MAGI1: variants seen among roughly 807,000 people sequenced by gnomAD.
MAGI1 encodes the protein membrane-associated guanylate kinase, WW and PDZ domain-containing protein 1.
Under a neutral mutation model 139.9 loss-of-function variants are expected in MAGI1, and 58 were observed. That is an observed-to-expected ratio of 0.41 (90% CI 0.34 to 0.52). The LOEUF (loss-of-function observed/expected upper bound fraction) is 0.52, where lower values mean the gene tolerates loss of function less well. Among genes scored for constraint, MAGI1 ranks in the 20% least tolerant of loss-of-function variants. MAGI1 has a pLI of 0.12. For synonymous variants in MAGI1, 812 were observed against 737.9 expected (o/e 1.10, Z -1.63); for missense variants, 1,874 against 1,901.6 (o/e 0.99, Z 0.27).
At chr3:65,661,402 G>A (rs530548975) in intron 1 of MAGI1, among the ~76,000 whole-genome samples, 7 of 152,284 alleles carry the variant, frequency 4.6e-5, no homozygotes, top group Non-Finnish European at 1.0e-4. Flanking sequence ...GAGGAAAGAA[G>A]CCATTTAAAA....
intron 1 of MAGI1, among the ~76,000 whole-genome samples, chr3:65,661,098 A>C (rs1033773455): frequency 9.2e-5 from 14 of 152,298 alleles, no homozygotes; most frequent in Admixed American, 7.2e-4. Context: ...AATAAAAAAC[A>C]AATTGAAAAG....
At position 65,547,611 on chromosome 3, in the gene MAGI1, G is replaced by A. The variant is rs115616145; in HGVS notation, c.431-53980C>T. 6.4e-4 allele frequency among the ~76,000 whole-genome samples: 98 copies of A among 152,228 alleles called. No homozygotes were observed. In the Middle Eastern group the frequency reaches 0.014, roughly 21 times the overall value. On this transcript the variant is annotated intron_variant, in intron 2 of 22. Coordinates refer to ENST00000402939, the MANE Select transcript of MAGI1 (RefSeq NM_001033057.2). ...AGCAGGGTTAAAAGCAGGAGCTCTGGAGGGCTACTGCCTAGATTCAAATCC... is the reference window on the plus strand; with the variant it reads ...AGCAGGGTTAAAAGCAGGAGCTCTGAAGGGCTACTGCCTAGATTCAAATCC...
chr3:65,905,607 G>C (rs1482677266), intron 1 of MAGI1, among the ~76,000 whole-genome samples: 1 of 152,136 alleles, frequency 6.6e-6, no homozygotes, highest in East Asian at 1.9e-4. Context: ...CTCCCAAGGA[G>C]CTAGGATTAC....
intron 2 of MAGI1, among the ~76,000 whole-genome samples, chr3:65,561,590 G>A (rs955065152): frequency 6.6e-6 from 1 of 152,124 alleles, no homozygotes; most frequent in African/African-American, 2.4e-5. Context: ...GTTTCTTCTA[G>A]AAAAGACTCA....
intron 1 of MAGI1, among the ~76,000 whole-genome samples, chr3:65,779,616 C>T (rs1186277443): frequency 6.6e-6 from 1 of 152,186 alleles, no homozygotes; most frequent in Non-Finnish European, 1.5e-5. Flanking sequence ...AGCCTCTGCC[C>T]CTTCCCAGAA....
At chr3:65,608,388 T>C (rs921783763) in intron 2 of MAGI1, among the ~76,000 whole-genome samples, 1 of 151,930 alleles carries the variant, frequency 6.6e-6, no homozygotes. Flanking sequence ...TAAGCCGAGA[T>C]TGCGCCATTG....
chr3:65,395,090 T>C (rs1431390361), intron 13 of MAGI1, among the ~76,000 whole-genome samples: 2 of 152,092 alleles, frequency 1.3e-5, no homozygotes, highest in African/African-American at 2.4e-5. Context: ...TGTGCTGCCC[T>C]ACCTGCAATA....
chr3:65,790,432 AC>A (rs1459687103), intron 1 of MAGI1, among the ~76,000 whole-genome samples: 1 of 152,110 alleles, frequency 6.6e-6, no homozygotes, highest in Non-Finnish European at 1.5e-5. Context: ...ATTAACCTAG[AC>A]TCCACAAGTT....
chr3:65,950,377 C>G (rs1264003338), intron 1 of MAGI1, among the ~76,000 whole-genome samples: 2 of 152,028 alleles, frequency 1.3e-5, no homozygotes, highest in African/African-American at 4.8e-5. Flanking sequence ...TAAGGGTACT[C>G]TGCATAGATC....
intron 2 of MAGI1, chr3:65,549,339 C>T: frequency 1.3e-6 from 1 of 765,790 alleles, no homozygotes; most frequent in Non-Finnish European, 1.6e-6. Flanking sequence ...AGTCTCCTTC[C>T]TCCCTTCCTA....
chr3:65,464,486 G>T (rs1226310728), intron 5 of MAGI1, among the ~76,000 whole-genome samples: 1 of 151,968 alleles, frequency 6.6e-6, no homozygotes, highest in African/African-American at 2.4e-5. Flanking sequence ...TTTCCCTTGA[G>T]ACTTCCTCTT....
chr3:65,643,599 A>C (rs1470220741), intron 1 of MAGI1, among the ~76,000 whole-genome samples: 2 of 152,194 alleles, frequency 1.3e-5, no homozygotes, highest in African/African-American at 4.8e-5. Flanking sequence ...TATGTCTCAT[A>C]TATCCCAGAA....
At chr3:65,824,433 G>A (rs1225208677) in intron 1 of MAGI1, among the ~76,000 whole-genome samples, 2 of 152,148 alleles carry the variant, frequency 1.3e-5, no homozygotes, top group African/African-American at 4.8e-5. Flanking sequence ...GGAGAAAAAC[G>A]AGGGGCCCAG....
intron 1 of MAGI1, among the ~76,000 whole-genome samples, chr3:66,000,321 A>T (rs2066677828): frequency 6.6e-6 from 1 of 151,946 alleles, no homozygotes; most frequent in South Asian, 2.1e-4. Flanking sequence ...CCTTCCCCAG[A>T]TGCCTTTTAA....
chr3:65,373,867 A>C lies in MAGI1; in HGVS notation c.3196+1878T>G, dbSNP rs527779574. On this transcript the variant is annotated intron_variant, in intron 18 of 22. Transcript: ENST00000402939. ...TGTTTTCCTCCACATTTAGTGTGGG[A>C]TATTTTTGGTGCAGAGAAAGTTCTC... Among the ~76,000 whole-genome samples, 14 of 152,300 alleles carry C rather than the reference A, an allele frequency of 9.2e-5. No homozygotes were observed. The East Asian group carries it at 2.1e-3, about 23-fold the overall frequency.
intron 1 of MAGI1, among the ~76,000 whole-genome samples, chr3:65,638,940 G>T (rs1307264851): frequency 6.6e-6 from 1 of 152,018 alleles, no homozygotes; most frequent in Admixed American, 6.6e-5. Context: ...GTAGAGACAA[G>T]GTTGTGCTAT....
intron 1 of MAGI1, among the ~76,000 whole-genome samples, chr3:65,700,279 T>C (rs548724139): frequency 6.6e-6 from 1 of 152,048 alleles, no homozygotes; most frequent in Admixed American, 6.6e-5. Flanking sequence ...CGGCCTCTAC[T>C]AAAAACACAA....
chr3:65,481,493 A>G (rs1405324822), intron 3 of MAGI1, among the ~76,000 whole-genome samples: 1 of 152,206 alleles, frequency 6.6e-6, no homozygotes, highest in Non-Finnish European at 1.5e-5. Flanking sequence ...GGAGAGAGAC[A>G]AAGCTCTAAT....
chr3:65,482,090 A>T (rs1951328470), intron 3 of MAGI1, among the ~76,000 whole-genome samples: 1 of 152,212 alleles, frequency 6.6e-6, no homozygotes, highest in Non-Finnish European at 1.5e-5. Context: ...CCCATGAGCA[A>T]TACTGCAGAG....
Sources: allele counts gnomAD v4.1 joint callset (sites outside exome capture counted in the v4.1 genomes callset), GRCh38; gene constraint gnomAD v4.1.1; transcripts MANE v1.5; gene names NCBI Gene and HGNC (gene_info 2026-07-23, HGNC 2026-07-21).